The following FEZ2 variants were observed in gnomAD, a reference collection of about 807,000 sequenced individuals.
FEZ2 encodes fasciculation and elongation protein zeta-2.
In FEZ2, 51 loss-of-function variants were observed where a neutral mutation model predicts 40.4. The ratio of observed to expected loss-of-function variants is 1.26; its 90% CI spans 1.01 to 1.59. The LOEUF (loss-of-function observed/expected upper bound fraction) is 1.59, where lower values mean the gene tolerates loss of function less well. Among genes scored for constraint, FEZ2 ranks in the 40% most tolerant of loss-of-function variants. The pLI, the probability that FEZ2 is intolerant of heterozygous loss-of-function variation, is 0.00. For synonymous variants in FEZ2, 242 were observed against 172.0 expected (o/e 1.41, Z -3.18); for missense variants, 640 against 438.3 (o/e 1.46, Z -4.11).
At position 36,591,033 on chromosome 2, in the gene FEZ2, A is replaced by G. The variant is rs566254733; in HGVS notation, c.267-22T>C. 20 of 1,370,596 alleles carry G rather than the reference A, an allele frequency of 1.5e-5. No homozygotes were observed. The South Asian group carries it at 2.1e-4, about 14-fold the overall frequency. 84.9% of individuals were successfully genotyped at this position (1,370,596 alleles called of 1,614,324 possible). On this transcript the variant is annotated intron_variant, in intron 1 of 7. Transcript: ENST00000405912. The stretch of plus-strand genomic sequence containing the variant: ...AATCCTTAAAAAGAAGAAAGCTACA[A>G]TCAATGAAAATTAACATTCTGTATG...
At chr2:36,555,797 A>C in intron 6 of FEZ2, 49 bp from the exon 7 acceptor site, 2 of 1,051,226 alleles carry the variant, frequency 1.9e-6, no homozygotes, top group Non-Finnish European at 2.8e-6. Context: ...AATTTAGATC[A>C]AAAATATTAT....
intron 5 of FEZ2, among the ~76,000 whole-genome samples, chr2:36,573,405 A>C (rs1188141405): frequency 3.9e-5 from 6 of 152,226 alleles, no homozygotes; most frequent in African/African-American, 1.4e-4. Flanking sequence ...ATTCATGAGA[A>C]CTGCTACTGA....
rs188774226 is a variant in FEZ2, at chr2:36,576,109, A to G, written c.903+2488T>C. Among the ~76,000 whole-genome samples, 59 of 152,326 alleles carry G rather than the reference A, an allele frequency of 3.9e-4. 1 individual carries two copies. The Middle Eastern group carries it at 0.034, about 88-fold the overall frequency. ...AGGTCTTGCCAAGACTGCATGTGAT[A>G]TAAAATGCTTGGTAAAATGTTTGGC... On this transcript the variant is annotated intron_variant, in intron 5 of 7. Coordinates refer to ENST00000405912, the MANE Select transcript of FEZ2 (RefSeq NM_005102.3).
chr2:36,580,872 G>T (rs560186265), intron 4 of FEZ2, among the ~76,000 whole-genome samples: 71 of 152,136 alleles, frequency 4.7e-4, no homozygotes, highest in African/African-American at 1.6e-3. Flanking sequence ...GAAATTTGGG[G>T]CCAGGCAATG....
rs1290120493 is a variant in FEZ2 at position 36,597,941 on chromosome 2, C to G, written c.202G>C (p.Gly68Arg). The change falls in exon 1 of 8, where the codon GGC becomes CGC. Residue 68 changes from glycine to arginine, a missense_variant. Physicochemically the swap from Gly to Arg is moderately radical, Grantham distance 125. Coordinates refer to ENST00000405912, the MANE Select transcript of FEZ2 (RefSeq NM_005102.3). ...LSLCFRPSDP[G>R]AEPPRTAVRP... ...ACGGCCGTCCTCGGGGGCTCGGCGC[C>G]CGGATCCGAGGGGCGGAAGCACAGG... 1 of 1,449,050 alleles carries G rather than the reference C, an allele frequency of 6.9e-7. No individual in the cohort carries two copies. Among genetic ancestry groups the G allele is most frequent in the African/African-American group, 1.5e-5 (1 of 67,388 alleles). The allele number at this position is 1,449,050 out of a possible 1,614,324, so 89.8% of individuals were successfully genotyped here.
At position 36,578,812 on chromosome 2, in the gene FEZ2, T is replaced by G; in HGVS notation, c.688A>C (p.Thr230Pro). ...ELNEILEEIE[T>P]AIKEYSEELV... Reference sequence around the variant, plus strand: ...TCCTCAGAGTACTCCTTAATGGCAGTCTCAATTTCTTCCAGGATTTCATTT... The same window carrying G: ...TCCTCAGAGTACTCCTTAATGGCAGGCTCAATTTCTTCCAGGATTTCATTT... The change falls in exon 5 of 8, where the codon ACT (threonine) becomes CCT (proline). Residue 230 changes from threonine to proline, a missense_variant. Physicochemically the swap from Thr to Pro is conservative, Grantham distance 38. Transcript: ENST00000405912. The G allele has an allele frequency of 6.2e-7, 1 of 1,613,416 alleles. No individual in the cohort carries two copies. The highest frequency in any genetic ancestry group is 8.5e-7 in the Non-Finnish European group (1 of 1,179,718).
intron 5 of FEZ2, among the ~76,000 whole-genome samples, chr2:36,564,001 G>C (rs1287580572): frequency 6.6e-6 from 1 of 152,066 alleles, no homozygotes; most frequent in African/African-American, 2.4e-5. Flanking sequence ...CTGTGCCTCT[G>C]GATTCTGTCC....
In FEZ2 at chr2:36,578,669, T is replaced by C. The variant is rs1411316626; in HGVS notation, c.831A>G (p.Ala277=). The change falls in exon 5 of 8, where the codon GCA becomes GCG. Residue 277 remains alanine (A), a synonymous_variant. Transcript: ENST00000405912. ...CATTTTTTAGTTTCTTTTTCTTTTT[T>C]GCTGTTTCTTTGTGCTCTTTCTGTT... ...QNKQKEHKET[A]KKKKKLKNGS... 1 of 1,613,686 alleles carries C rather than the reference T, an allele frequency of 6.2e-7. No individual in the cohort carries two copies. The highest frequency in any genetic ancestry group is 8.5e-7 in the Non-Finnish European group (1 of 1,179,848).
At chr2:36,579,588 T>C (rs1378346791) in intron 4 of FEZ2, among the ~76,000 whole-genome samples, 1 of 152,068 alleles carries the variant, frequency 6.6e-6, no homozygotes, top group African/African-American at 2.4e-5. Context: ...CATGTGAAGA[T>C]ACCTGCTCCA....
chr2:36,583,777 G>C (rs754816001), intron 2 of FEZ2, among the ~76,000 whole-genome samples: 3 of 152,196 alleles, frequency 2.0e-5, no homozygotes, highest in African/African-American at 7.2e-5. Flanking sequence ...ATAGAAGGGA[G>C]AATATGGGCA....
At chr2:36,578,522 C>A (rs565226523) in intron 5 of FEZ2, 75 bp downstream of exon 5, 1 of 1,480,930 alleles carries the variant, frequency 6.8e-7, no homozygotes, top group East Asian at 2.3e-5. Flanking sequence ...GTCGCACCTG[C>A]CACCAGCCCC....
At chr2:36,558,831 T>C (rs1668021781) in intron 5 of FEZ2, 1 of 184,132 alleles carries the variant, frequency 5.4e-6, no homozygotes, top group Admixed American at 6.1e-5. Context: ...AAGTGAAGTA[T>C]TATCTCACAT....
intron 5 of FEZ2, among the ~76,000 whole-genome samples, chr2:36,577,544 G>A (rs1034559588): frequency 5.9e-5 from 9 of 152,128 alleles, no homozygotes; most frequent in South Asian, 4.1e-4. Context: ...GCGAGCCACC[G>A]TGCCCAGCCA....
rs1668643542 is a variant in FEZ2, at chr2:36,578,610, T to C, written c.890A>G (p.His297Arg). The C allele has an allele frequency of 6.2e-7, 1 of 1,612,684 alleles. No individual in the cohort carries two copies. The highest frequency in any genetic ancestry group is 8.5e-7 in the Non-Finnish European group (1 of 1,179,600). ...AACATCACTTACTGTGCCGGGCATA[T>C]GACTTCTCTCATTCTTCCCATTCTG... is the stretch of plus-strand genomic sequence containing the variant. Reference protein sequence around the residue: ...SSQNGKNERSHMPGTYLTTVI... With the variant: ...SSQNGKNERSRMPGTYLTTVI... The change falls in exon 5 of 8, where the codon CAT (histidine) becomes CGT (arginine). Residue 297 changes from histidine to arginine, a missense_variant. Coordinates refer to ENST00000405912, the MANE Select transcript of FEZ2 (RefSeq NM_005102.3).
chr2:36,587,800 A>C (rs934605548), intron 2 of FEZ2, among the ~76,000 whole-genome samples: 1 of 152,188 alleles, frequency 6.6e-6, no homozygotes, highest in Non-Finnish European at 1.5e-5. Flanking sequence ...CCAGATTAAA[A>C]AAAAAATGCT....
intron 1 of FEZ2, among the ~76,000 whole-genome samples, chr2:36,596,067 A>G (rs1248502201): frequency 6.6e-6 from 1 of 152,240 alleles, no homozygotes; most frequent in Non-Finnish European, 1.5e-5. Context: ...CTACATATAC[A>G]TAAAATTATC....
At chr2:36,570,834 A>C (rs550404820) in intron 5 of FEZ2, among the ~76,000 whole-genome samples, 6 of 152,348 alleles carry the variant, frequency 3.9e-5, no homozygotes, top group African/African-American at 1.4e-4. Flanking sequence ...TCCTGACTCC[A>C]TCATCTATCT....
intron 1 of FEZ2, 107 bp downstream of exon 1, chr2:36,597,770 G>C (rs1421970850): frequency 6.9e-6 from 6 of 866,742 alleles, no homozygotes; most frequent in Admixed American, 4.3e-5. Flanking sequence ...GGACTCCCGC[G>C]TCCGGGCGGA....
chr2:36,586,595 C>T (rs991050230), intron 2 of FEZ2, among the ~76,000 whole-genome samples: 1 of 151,040 alleles, frequency 6.6e-6, no homozygotes, highest in Admixed American at 6.6e-5. Flanking sequence ...CCACTGCGCT[C>T]CAGCCTGGAC....
Sources: allele counts gnomAD v4.1 joint callset (sites outside exome capture counted in the v4.1 genomes callset), GRCh38; gene constraint gnomAD v4.1.1; transcripts MANE v1.5; gene names NCBI Gene and HGNC (gene_info 2026-07-23, HGNC 2026-07-21).